The following SEZ6L2 variants were observed in gnomAD, a reference collection of about 807,000 sequenced individuals.
The protein encoded by SEZ6L2 is seizure related 6 homolog like 2.
In SEZ6L2, 44 loss-of-function variants were observed where a neutral mutation model predicts 97.0. The observed-to-expected ratio is 0.45, with a 90% CI of 0.36 to 0.58. The LOEUF is 0.58. Among genes scored for constraint, SEZ6L2 ranks in the 20% least tolerant of loss-of-function variants. The pLI, the probability that SEZ6L2 is intolerant of heterozygous loss-of-function variation, is 0.00. For missense variants in SEZ6L2, 1,086 were observed against 1,233.3 expected, an observed-to-expected ratio of 0.88 and a Z score of 1.79; for synonymous variants, 543 against 546.1, an observed-to-expected ratio of 0.99 and a Z score of 0.08.
chr16:29,884,451 G>A (rs745764681), intron 8 of SEZ6L2, among the ~76,000 whole-genome samples: 1 of 151,940 alleles, frequency 6.6e-6, no homozygotes, highest in African/African-American at 2.4e-5. Flanking sequence ...AATTAGCTGG[G>A]CGTGGTGATG....
At chr16:29,872,383 C>T (rs373649998) in intron 16 of SEZ6L2, 26 bp downstream of exon 16, 84 of 1,610,804 alleles carry the variant, frequency 5.2e-5, no homozygotes, top group Non-Finnish European at 6.5e-5. Context: ...CTGCCCTGGC[C>T]GGCAGTCCCC....
intron 10 of SEZ6L2, 57 bp from the exon 11 acceptor site, chr16:29,877,524 GCTCTGCCCCATCCTCAA>G (rs2067935331): frequency 1.4e-6 from 2 of 1,466,302 alleles, no homozygotes; most frequent in African/African-American, 2.8e-5. Context: ...CTCCCATCCA[GCTCTGCCCCATCCTCAA>G]CTCTGCTCAT....
chr16:29,884,296 C>T (rs1488876765), intron 8 of SEZ6L2, among the ~76,000 whole-genome samples: 1 of 151,972 alleles, frequency 6.6e-6, no homozygotes, highest in African/African-American at 2.4e-5. Flanking sequence ...TGAGGTTACT[C>T]GGTTGGTGGT....
chr16:29,887,135 T>A (rs969159528), intron 7 of SEZ6L2, among the ~76,000 whole-genome samples: 10 of 142,530 alleles, frequency 7.0e-5, no homozygotes, highest in African/African-American at 2.6e-4. Flanking sequence ...AAGCCAAGAC[T>A]GCGGCACTGC....
In SEZ6L2 at chr16:29,876,812, A is replaced by G; in HGVS notation, c.2048T>C (p.Ile683Thr). The G allele has an allele frequency of 6.2e-7, 1 of 1,601,754 alleles. No homozygotes were observed. Among genetic ancestry groups the G allele is most frequent in the East Asian group, 2.3e-5 (1 of 44,114 alleles). ...AGACAGGTCCCACTGGCAAGTGAGA[A>G]TGTCGGAGCCTAGCAGCTCGTAGCC... ...EPGYELLGSD[I>T]LTCQWDLSWS... Residue 683 changes from isoleucine (I) to threonine (T), a missense_variant, in exon 12 of 18, where the codon ATT (isoleucine) becomes ACT (threonine). Ile to Thr is a moderately conservative substitution (Grantham distance 89). Coordinates refer to ENST00000617533, the MANE Select transcript of SEZ6L2 (RefSeq NM_001243332.2). This position sits in a 1 kb window ranked among gnomAD's most constrained non-coding sequence, Gnocchi z 6.5.
intron 1 of SEZ6L2, 25 bp downstream of exon 1, chr16:29,898,916 C>A: frequency 6.3e-7 from 1 of 1,593,452 alleles, no homozygotes; most frequent in Non-Finnish European, 8.6e-7. Flanking sequence ...TCCTGGGGCC[C>A]ACCCCCACAG....
chr16:29,882,870 A>G (rs922871612), intron 8 of SEZ6L2, among the ~76,000 whole-genome samples: 7 of 152,154 alleles, frequency 4.6e-5, no homozygotes, highest in African/African-American at 1.7e-4. Context: ...TGCTGGGATT[A>G]CAGGCGTTAG....
intron 7 of SEZ6L2, chr16:29,886,147 C>A (rs59275221): frequency 0.019 from 2,952 of 156,048 alleles, 105 homozygotes; most frequent in African/African-American, 0.068. Context: ...ACGGGTGGAT[C>A]ACCTGAAGTC....
chr16:29,885,481 G>T, intron 8 of SEZ6L2, 105 bp downstream of exon 8: 3 of 1,250,540 alleles, frequency 2.4e-6, no homozygotes, highest in South Asian at 1.4e-5. Context: ...AAGGAACCCA[G>T]CACGGAGATG....
intron 9 of SEZ6L2, 100 bp from the exon 10 acceptor site, chr16:29,878,525 G>A (rs1287670785): frequency 8.7e-6 from 8 of 923,854 alleles, no homozygotes; most frequent in East Asian, 3.1e-5. Context: ...ACATCACCTC[G>A]CTTGTTTCCT....
At chr16:29,877,666 T>C (rs1337922629) in intron 10 of SEZ6L2, among the ~76,000 whole-genome samples, 199 bp from the exon 11 acceptor site, 1 of 152,208 alleles carries the variant, frequency 6.6e-6, no homozygotes, top group Non-Finnish European at 1.5e-5. Context: ...GGTTCCCCTA[T>C]TCTATGGCTC....
rs374886052 is a variant in SEZ6L2 at position 29,877,488 on chromosome 16, C to A, written c.1713-21G>T. The A allele has an allele frequency of 2.2e-5, 34 of 1,556,434 alleles. No individual in the cohort carries two copies. In the East Asian group the frequency reaches 6.7e-4, roughly 31 times the overall value. Reference sequence around the variant, plus strand: ...TCAATCTGCAGGGGGTGAGACCAGGCAATGGGGCGGGGCTGCGACTGGCCC... The same window carrying A: ...TCAATCTGCAGGGGGTGAGACCAGGAAATGGGGCGGGGCTGCGACTGGCCC... On this transcript the variant is annotated intron_variant, in intron 10 of 17. Transcript: ENST00000617533.
intron 8 of SEZ6L2, among the ~76,000 whole-genome samples, chr16:29,885,023 C>T (rs1342266350): frequency 6.6e-6 from 1 of 150,476 alleles, no homozygotes; most frequent in African/African-American, 2.4e-5. Context: ...TTGGCTAACA[C>T]GGTGAAACCC....
At chr16:29,878,806 G>C (rs574975702) in intron 9 of SEZ6L2, among the ~76,000 whole-genome samples, 15 of 140,830 alleles carry the variant, frequency 1.1e-4, no homozygotes, top group African/African-American at 3.7e-4. Context: ...GGGGTTTTAC[G>C]GTGTTAGCCA....
chr16:29,896,990 C>G lies in SEZ6L2; in HGVS notation c.343G>C (p.Ala115Pro), dbSNP rs747904685. ...AGCAGTTCTGGCGCAGTGGGGCCTG[C>G]CCCCCTGACCCCGTTAGGGGTGACG... Reference protein sequence around the residue: ...TAVTPNGVRGAGPTAPELLTP... With the variant: ...TAVTPNGVRGPGPTAPELLTP... The change falls in exon 3 of 18, where the codon GCA (alanine) becomes CCA (proline). Residue 115 changes from alanine (A) to proline (P), a missense_variant. Ala to Pro is a conservative substitution (Grantham distance 27). Transcript: ENST00000617533. The G allele has an allele frequency of 1.3e-6, 2 of 1,587,192 alleles. No homozygotes were observed. The highest frequency in any genetic ancestry group is 2.3e-5 in the South Asian group (2 of 88,562).
At position 29,872,221 on chromosome 16, in the gene SEZ6L2, T is replaced by C. The variant is rs1205175795; in HGVS notation, c.2708A>G (p.Glu903Gly). ...GSHSYSPITVESDFSNPLYEA... is the reference protein window; with the variant it reads ...GSHSYSPITVGSDFSNPLYEA... Reference sequence around the variant, plus strand: ...ATACAGCGGGTTGCTGAAGTCCGACTCCACGGTGATGGGGCTGTAGGAGTG... The same window carrying C: ...ATACAGCGGGTTGCTGAAGTCCGACCCCACGGTGATGGGGCTGTAGGAGTG... Residue 903 changes from glutamate (E) to glycine (G), a missense_variant, in exon 17 of 18, where the codon GAG becomes GGG. Glu to Gly is a moderately conservative substitution (Grantham distance 98). This residue lies in a region of SEZ6L2 where 310 missense variants were observed against 438.6 expected (regional missense o/e 0.71). Coordinates refer to ENST00000617533, the MANE Select transcript of SEZ6L2 (RefSeq NM_001243332.2). 1.9e-6 allele frequency: 3 copies of C among 1,611,262 alleles called. No individual in the cohort carries two copies. Among genetic ancestry groups the C allele is most frequent in the Non-Finnish European group, 2.5e-6 (3 of 1,178,840 alleles).
rs759442735 is a variant in SEZ6L2 at position 29,895,473 on chromosome 16, GAC to G, written c.652-15_652-14del. 2 of 1,612,972 alleles carry G rather than the reference GAC, an allele frequency of 1.2e-6. No homozygotes were observed. Among genetic ancestry groups the G allele is most frequent in the South Asian group, 2.2e-5 (2 of 91,038 alleles). On this transcript the variant is annotated splice_polypyrimidine_tract_variant and intron_variant, in intron 4 of 17. Coordinates refer to ENST00000617533, the MANE Select transcript of SEZ6L2 (RefSeq NM_001243332.2). ...TCAGCGTCTGCACCTAGAGAAGCCAGACACAGACCCGCCAGGGCAAGTCAGCC... is the reference window on the plus strand; with the variant it reads ...TCAGCGTCTGCACCTAGAGAAGCCAGACAGACCCGCCAGGGCAAGTCAGCC...
chr16:29,877,892 A>G (rs1567413505), intron 10 of SEZ6L2, among the ~76,000 whole-genome samples: 1 of 151,762 alleles, frequency 6.6e-6, no homozygotes, highest in Non-Finnish European at 1.5e-5. Context: ...ATCTCATGAC[A>G]CTCTCATACC....
At position 29,877,403 on chromosome 16, in the gene SEZ6L2, A is replaced by G. The variant is rs1208285407; in HGVS notation, c.1777T>C (p.Leu593=). ...FDGDGPSARV[L]AQLRGPQPRR... ...GGCTGAGGTCCCCGCAGCTGGGCCAAGACTCGGGCGCTGGGACCGTCCCCG... is the reference window on the plus strand; with the variant it reads ...GGCTGAGGTCCCCGCAGCTGGGCCAGGACTCGGGCGCTGGGACCGTCCCCG... The change falls in exon 11 of 18, where the codon TTG becomes CTG. Residue 593 remains leucine (L), a synonymous_variant. Coordinates refer to ENST00000617533, the MANE Select transcript of SEZ6L2 (RefSeq NM_001243332.2). 3.1e-6 allele frequency: 5 copies of G among 1,612,778 alleles called. No individual in the cohort carries two copies.
Sources: gnomAD v4.1 joint callset for allele counts (sites outside exome capture counted in the v4.1 genomes callset) on GRCh38, gnomAD v4.1.1 for gene constraint, gnomAD v4.1.1 regional missense constraint, Gnocchi (gnomAD v3.1) non-coding constraint, MANE v1.5 for transcripts, NCBI Gene and HGNC (gene_info 2026-07-23, HGNC 2026-07-21) for gene names.